Variants in ABHD2 observed in about 807,000 individuals in gnomAD.
ABHD2 encodes abhydrolase domain containing 2, acylglycerol lipase, also known as monoacylglycerol lipase ABHD2.
A neutral mutation model predicts 48.1 loss-of-function variants in ABHD2; 20 were observed. The ratio of observed to expected loss-of-function variants is 0.42; its 90% confidence interval spans 0.29 to 0.60. The LOEUF is 0.60. Ranked by LOEUF, ABHD2 falls within the 20% of genes least tolerant of loss-of-function variation. ABHD2 has a pLI of 0.24. For missense variants in ABHD2, 405 were observed against 550.9 expected, an observed-to-expected ratio of 0.74 and a Z score of 2.65; for synonymous variants, 209 against 214.2, an observed-to-expected ratio of 0.98 and a Z score of 0.21.
At chr15:89,171,505 G>A (rs1436086482) in intron 5 of ABHD2, among the ~76,000 whole-genome samples, 1 of 152,124 alleles carries the variant, frequency 6.6e-6, no homozygotes, top group Non-Finnish European at 1.5e-5. Context: ...GCAGTTACAT[G>A]GATTTAAAGG....
the ABHD2 span, among the ~76,000 whole-genome samples, chr15:89,063,545 C>A: frequency 6.6e-6 from 1 of 152,098 alleles, no homozygotes; most frequent in African/African-American, 2.4e-5. Context: ...CACACACACA[C>A]AGACACACAC....
chr15:89,086,999 C>A (rs931078280), upstream of ABHD2: 2 of 152,074 alleles, frequency 1.3e-5, no homozygotes, highest in Non-Finnish European at 2.9e-5. Context: ...AGGATTCTTT[C>A]TTCTCCTTCA....
At chr15:89,075,024 C>G in the ABHD2 span, among the ~76,000 whole-genome samples, 1 of 152,148 alleles carries the variant, frequency 6.6e-6, no homozygotes, top group Non-Finnish European at 1.5e-5. The surrounding 1 kb of genome is among the most constrained non-coding windows in gnomAD (Gnocchi z 4.1). Context: ...CAAAGTTTAT[C>G]AAAAGTGTTT....
At chr15:89,058,753 A>G in the ABHD2 span, among the ~76,000 whole-genome samples, 1 of 151,908 alleles carries the variant, frequency 6.6e-6, no homozygotes, top group East Asian at 1.9e-4. Context: ...GAAAGACCTC[A>G]CTCTTCAGAC....
At position 89,191,119 on chromosome 15, in the gene ABHD2, G is replaced by A. The variant is rs1261125409; in HGVS notation, c.966G>A (p.Glu322=). The A allele has an allele frequency of 6.2e-7, 1 of 1,613,914 alleles. No homozygotes were observed. Among genetic ancestry groups the A allele is most frequent in the Admixed American group, 1.7e-5 (1 of 60,002 alleles). The part of the protein sequence containing the change: ...HGYNSLKEYY[E]EESCMRYLHR... ...ATAACTCCCTGAAGGAATACTATGA[G>A]GAAGAAAGTTGCATGCGGTACCTGC... Residue 322 remains glutamate, a synonymous_variant, in exon 9 of 11, where the codon GAG becomes GAA. Transcript: ENST00000352732.
chr15:89,192,986 ACT>A (rs1428695156), intron 9 of ABHD2, among the ~76,000 whole-genome samples: 1 of 152,132 alleles, frequency 6.6e-6, no homozygotes, highest in Non-Finnish European at 1.5e-5. Context: ...AATCTGAAAC[ACT>A]CTGATGATTA....
the ABHD2 span, among the ~76,000 whole-genome samples, chr15:89,049,169 C>G: frequency 6.6e-6 from 1 of 152,184 alleles, no homozygotes; most frequent in African/African-American, 2.4e-5. Context: ...CAGTCTGCCC[C>G]TGCTGGGGGG....
chr15:89,115,088 G>A (rs1253609841), intron 2 of ABHD2, among the ~76,000 whole-genome samples: 1 of 152,184 alleles, frequency 6.6e-6, no homozygotes, highest in Non-Finnish European at 1.5e-5. Context: ...CACAGTTGGT[G>A]GAGATTGTTT....
rs926448322 is a variant in ABHD2 at position 89,147,515 on chromosome 15, G to A, written c.195-4162G>A. Among the ~76,000 whole-genome samples the A allele has an allele frequency of 4.6e-5, 7 of 151,412 alleles. No individual in the cohort carries two copies. In the East Asian group the frequency reaches 9.8e-4, roughly 21 times the overall value. ...ATTACAGGTGCCCGCCACCACGCCC[G>A]GCTAATTTTTTGTATTTTCAGTAGA... On this transcript the variant is annotated intron_variant, in intron 3 of 10. Transcript: ENST00000352732.
intron 3 of ABHD2, among the ~76,000 whole-genome samples, chr15:89,142,127 C>T (rs760105736): frequency 2.3e-4 from 35 of 152,198 alleles, no homozygotes; most frequent in Non-Finnish European, 4.4e-4. Context: ...CAACCCTGCT[C>T]TTGACTAGCA....
chr15:89,136,543 C>G (rs1972889), intron 3 of ABHD2: 1 of 314,322 alleles, frequency 3.2e-6, no homozygotes, highest in African/African-American at 2.2e-5. Context: ...CAGTGCCCAT[C>G]TGGCTCTCAC....
chr15:89,052,558 G>GACACACAC, the ABHD2 span, among the ~76,000 whole-genome samples: 1 of 124,142 alleles, frequency 8.1e-6, no homozygotes, highest in African/African-American at 2.6e-5. Flanking sequence ...CAGACAGACA[G>GACACACAC]ACACACACAC....
rs1484660737 is a variant in ABHD2, at chr15:89,188,389, T to C, written c.926+86T>C. 2 of 1,172,544 alleles carry C rather than the reference T, an allele frequency of 1.7e-6. No homozygotes were observed. Among genetic ancestry groups the C allele is most frequent in the Non-Finnish European group, 2.5e-6 (2 of 795,542 alleles). The allele number at this position is 1,172,544 out of a possible 1,614,324, so 72.6% of individuals were successfully genotyped here. Reference sequence around the variant, plus strand: ...GGTCAGCTGTGCCCAGCACTAGTGTTTGCTCTGCCTACTTGAGTGTTAAGG... The same window carrying C: ...GGTCAGCTGTGCCCAGCACTAGTGTCTGCTCTGCCTACTTGAGTGTTAAGG... On this transcript the variant is annotated intron_variant, in intron 8 of 10. Transcript: ENST00000352732. The surrounding 1 kb of genome is among the most constrained non-coding windows in gnomAD (Gnocchi z 4.1).
At chr15:89,045,539 G>A in the ABHD2 span, among the ~76,000 whole-genome samples, 7 of 152,284 alleles carry the variant, frequency 4.6e-5, no homozygotes, top group East Asian at 3.9e-4. Context: ...TGAGCATGGA[G>A]TGTTCTTCCA....
chr15:89,162,386 C>T lies in ABHD2; in HGVS notation c.538+6852C>T, dbSNP rs79521008. Among the ~76,000 whole-genome samples the T allele has an allele frequency of 8.5e-4, 130 of 152,266 alleles. 3 individuals are homozygous for T. In the East Asian group the frequency reaches 0.012, roughly 14 times the overall value. On this transcript the variant is annotated intron_variant, in intron 5 of 10. Coordinates refer to ENST00000352732, the MANE Select transcript of ABHD2 (RefSeq NM_152924.5). ...TATGCCACTTTTCGATCTCCTTCCA[C>T]GCATTTTTAATAGGTCCCCAACCAA...
Position 89,200,827 on chromosome 15 carries a change from A to G in ABHD2, c.*5404A>G, listed in dbSNP as rs537990373. ...GCCGGGCATAGTGGCTCACTCCTGT[A>G]ATCCCAGCACTTTGGAGGCCGAGGC... is the stretch of plus-strand genomic sequence containing the variant. On this transcript the variant is annotated 3_prime_UTR_variant, in exon 11 of 11. Transcript: ENST00000352732. 3.4e-6 allele frequency: 1 copy of G among 297,364 alleles called. No individual in the cohort carries two copies. The highest frequency in any genetic ancestry group is 8.4e-5 in the East Asian group (1 of 11,922). The allele number at this position is 297,364 out of a possible 1,614,324, so 18.4% of individuals were successfully genotyped here. A position where few individuals can be genotyped will look rare whatever the true frequency, so the allele number is the denominator to read the frequency against.
chr15:89,131,943 T>C (rs2050226051), intron 3 of ABHD2, among the ~76,000 whole-genome samples: 1 of 151,938 alleles, frequency 6.6e-6, no homozygotes, highest in Admixed American at 6.6e-5. Flanking sequence ...AAGTGTGGGA[T>C]GGTAGGGACG....
chr15:89,093,015 C>T (rs1901655818), intron 1 of ABHD2, among the ~76,000 whole-genome samples: 1 of 151,938 alleles, frequency 6.6e-6, no homozygotes, highest in South Asian at 2.1e-4. Context: ...AGCTGGGGCA[C>T]TGGAGAGTGA....
chr15:89,201,845 G>A lies in ABHD2; in HGVS notation c.*6422G>A, dbSNP rs931805240. The A allele has an allele frequency of 2.0e-6, 2 of 1,012,008 alleles. No homozygotes were observed. The highest frequency in any genetic ancestry group is 3.0e-6 in the Non-Finnish European group (2 of 661,392). 62.7% of individuals were successfully genotyped at this position (1,012,008 alleles called of 1,614,324 possible). ...GCAGGGGGCGGCTTGCTCGCTGGGG[G>A]CGGGGGACGATGGCGAGAGGGGAGG... On this transcript the variant is annotated 3_prime_UTR_variant, in exon 11 of 11. Coordinates refer to ENST00000352732, the MANE Select transcript of ABHD2 (RefSeq NM_152924.5).
Sources: gnomAD v4.1 joint callset for allele counts (sites outside exome capture counted in the v4.1 genomes callset) on GRCh38, gnomAD v4.1.1 for gene constraint, Gnocchi (gnomAD v3.1) non-coding constraint, MANE v1.5 for transcripts, NCBI Gene and HGNC (gene_info 2026-07-23, HGNC 2026-07-21) for gene names.